Variants in RAB11FIP3 observed in about 807,000 individuals in gnomAD.
The protein encoded by RAB11FIP3 is RAB11 family interacting protein 3, also known as rab11 family-interacting protein 3.
In RAB11FIP3, 17 loss-of-function variants were observed where a neutral mutation model predicts 77.8. That is an observed-to-expected ratio of 0.22 (90% CI 0.15 to 0.33). The LOEUF (loss-of-function observed/expected upper bound fraction) is 0.33. Ranked by LOEUF, RAB11FIP3 falls within the 10% of genes least tolerant of loss-of-function variation. The pLI is 1.00. For missense variants in RAB11FIP3, 1,005 were observed against 1,011.2 expected (o/e 0.99, Z 0.08); for synonymous variants, 437 against 448.2 (o/e 0.98, Z 0.31).
At chr16:432,796 G>A (rs1306874206) in intron 1 of RAB11FIP3, among the ~76,000 whole-genome samples, 7 of 151,272 alleles carry the variant, frequency 4.6e-5, no homozygotes. Flanking sequence ...AATAGAGATG[G>A]GGTTTTGTCA....
intron 2 of RAB11FIP3, among the ~76,000 whole-genome samples, chr16:467,460 C>CTCAGGGAGGAGGTGCGGGGGCG (rs1567373704): frequency 2.3e-4 from 26 of 114,742 alleles, no homozygotes; most frequent in African/African-American, 9.1e-4. Flanking sequence ...GTGCAGGGGC[C>CTCAGGGAGGAGGTGCGGGGGCG]TCAGGGAGGA....
rs186267969 is a variant in RAB11FIP3 at position 450,343 on chromosome 16, T to G, written c.715-11061T>G. Among the ~76,000 whole-genome samples, 316 of 152,128 alleles carry G rather than the reference T, an allele frequency of 2.1e-3. 2 individuals are homozygous for G. The highest frequency in any genetic ancestry group is 7.2e-3 in the African/African-American group (297 of 41,518). Reference sequence around the variant, plus strand: ...CACCACCATGCCCAGCTCTGGCTAATTTTTTGTATTTTTGGTAGATATTTT... The same window carrying G: ...CACCACCATGCCCAGCTCTGGCTAAGTTTTTGTATTTTTGGTAGATATTTT... On this transcript the variant is annotated intron_variant, in intron 1 of 13. Coordinates refer to ENST00000262305, the MANE Select transcript of RAB11FIP3 (RefSeq NM_014700.4).
chr16:511,308 G>T (rs1429877449), intron 9 of RAB11FIP3, among the ~76,000 whole-genome samples: 1 of 117,598 alleles, frequency 8.5e-6, no homozygotes, highest in Non-Finnish European at 1.7e-5. Flanking sequence ...TTGACAGCCC[G>T]CCCACCCCAG....
Position 514,898 on chromosome 16 carries a change from A to C in RAB11FIP3, c.1641-4045A>C, listed in dbSNP as rs1337695511. Among the ~76,000 whole-genome samples the C allele has an allele frequency of 1.3e-5, 2 of 152,238 alleles. No individual in the cohort carries two copies. Among genetic ancestry groups the C allele is most frequent in the Non-Finnish European group, 2.9e-5 (2 of 68,036 alleles). ...ATCAGGCACAGAGTGAACTGGGTGAACGTGGCCCTGGTGTGTGGTGCTTTC... is the reference window on the plus strand; with the variant it reads ...ATCAGGCACAGAGTGAACTGGGTGACCGTGGCCCTGGTGTGTGGTGCTTTC... On this transcript the variant is annotated intron_variant, in intron 9 of 13. Transcript: ENST00000262305. The surrounding 1 kb of genome is among the most constrained non-coding windows in gnomAD (Gnocchi z 4.6).
chr16:471,771 T>C lies in RAB11FIP3; in HGVS notation c.903+382T>C, dbSNP rs566154420. On this transcript the variant is annotated intron_variant, in intron 3 of 13. Coordinates refer to ENST00000262305, the MANE Select transcript of RAB11FIP3 (RefSeq NM_014700.4). This position sits in a 1 kb window ranked among gnomAD's most constrained non-coding sequence, Gnocchi z 4.4. ...TGCCTGACTAATGCCTGCCCCTGCTTGGCTGTCCTCCACCCTGCTCCCAGA... is the reference window on the plus strand; with the variant it reads ...TGCCTGACTAATGCCTGCCCCTGCTCGGCTGTCCTCCACCCTGCTCCCAGA... Among the ~76,000 whole-genome samples the C allele has an allele frequency of 1.4e-4, 21 of 152,296 alleles. No homozygotes were observed. Among genetic ancestry groups the C allele is most frequent in the Non-Finnish European group, 2.4e-4 (16 of 68,024 alleles).
chr16:503,075 C>T lies in RAB11FIP3; in HGVS notation c.1373C>T (p.Pro458Leu). The T allele has an allele frequency of 1.2e-6, 2 of 1,612,640 alleles. No homozygotes were observed. The highest frequency in any genetic ancestry group is 1.1e-5 in the South Asian group (1 of 91,006). The change falls in exon 7 of 14, where the codon CCA (proline) becomes CTA (leucine). Residue 458 changes from proline to leucine, a missense_variant. Pro to Leu is a moderately conservative substitution (Grantham distance 98). Coordinates refer to ENST00000262305, the MANE Select transcript of RAB11FIP3 (RefSeq NM_014700.4). The stretch of plus-strand genomic sequence containing the variant: ...CCTTCCCCCGAGCTCATGGAGGGCC[C>T]AGAGGAGGACATTGCTGACAAGGTA... ...EDPSPELMEGPEEDIADKVVF... is the reference protein window; with the variant it reads ...EDPSPELMEGLEEDIADKVVF...
At position 486,363 on chromosome 16, in the gene RAB11FIP3, G is replaced by A. The variant is rs528400127; in HGVS notation, c.1116-2488G>A. On this transcript the variant is annotated intron_variant, in intron 4 of 13. Transcript: ENST00000262305. ...AAAAACTAGCTGGGCCTGGTGGCAC[G>A]CACCTGTAATCCCAGCTACTCGGGA... Among the ~76,000 whole-genome samples the A allele has an allele frequency of 4.6e-5, 7 of 152,190 alleles. 1 individual carries two copies. The highest frequency in any genetic ancestry group is 4.2e-4 in the South Asian group (2 of 4,812).
chr16:444,973 G>A (rs1310228637), intron 1 of RAB11FIP3, among the ~76,000 whole-genome samples: 1 of 151,760 alleles, frequency 6.6e-6, no homozygotes, highest in Non-Finnish European at 1.5e-5. Flanking sequence ...AATTAGCCAG[G>A]CATCATGGTG....
chr16:462,150 G>A (rs992527965), intron 2 of RAB11FIP3, among the ~76,000 whole-genome samples: 5 of 152,280 alleles, frequency 3.3e-5, no homozygotes, highest in South Asian at 2.1e-4. Flanking sequence ...CATACCCCTC[G>A]CCCTCAGGCA....
At chr16:496,073 A>G (rs1381039958) in intron 5 of RAB11FIP3, among the ~76,000 whole-genome samples, 2 of 152,044 alleles carry the variant, frequency 1.3e-5, no homozygotes, top group African/African-American at 4.8e-5. Context: ...TTTCTGCCTG[A>G]CCCTGGAAAG....
At chr16:434,837 G>A (rs1053407467) in intron 1 of RAB11FIP3, among the ~76,000 whole-genome samples, 2 of 152,062 alleles carry the variant, frequency 1.3e-5, no homozygotes. Flanking sequence ...GCCGAGGTGG[G>A]CAGATCACTT....
chr16:456,036 C>T (rs2055497151), intron 1 of RAB11FIP3, among the ~76,000 whole-genome samples: 1 of 152,130 alleles, frequency 6.6e-6, no homozygotes, highest in Non-Finnish European at 1.5e-5. Context: ...ATATTAGTAT[C>T]AAGAATTAAG....
In RAB11FIP3 at chr16:471,899, G is replaced by A. The variant is rs1289403162; in HGVS notation, c.903+510G>A. Reference sequence around the variant, plus strand: ...GGGGAGAGGGTCTTCGAGCACAGCCGTGGTCGACAGAGCGTAACCATGTCC... The same window carrying A: ...GGGGAGAGGGTCTTCGAGCACAGCCATGGTCGACAGAGCGTAACCATGTCC... On this transcript the variant is annotated intron_variant, in intron 3 of 13. Transcript: ENST00000262305. The surrounding 1 kb of genome is among the most constrained non-coding windows in gnomAD (Gnocchi z 4.4). Among the ~76,000 whole-genome samples the A allele has an allele frequency of 6.6e-6, 1 of 152,134 alleles. No homozygotes were observed. Among genetic ancestry groups the A allele is most frequent in the Non-Finnish European group, 1.5e-5 (1 of 68,020 alleles).
intron 1 of RAB11FIP3, among the ~76,000 whole-genome samples, chr16:449,404 A>G (rs553221627): frequency 4.6e-5 from 7 of 152,244 alleles, no homozygotes; most frequent in South Asian, 4.1e-4. Flanking sequence ...GAGAACCCTC[A>G]GGTTCAACCA....
chr16:482,360 T>G, intron 3 of RAB11FIP3, 165 bp from the exon 4 acceptor site: 3 of 740,110 alleles, frequency 4.1e-6, no homozygotes, highest in African/African-American at 1.7e-5. Flanking sequence ...CCAGCCTGAA[T>G]TGTGTTTTAT....
At chr16:491,683 G>A (rs2030205649) in intron 5 of RAB11FIP3, among the ~76,000 whole-genome samples, 1 of 152,254 alleles carries the variant, frequency 6.6e-6, no homozygotes. Flanking sequence ...TACTCACAGT[G>A]AGCGTGTGAG....
At position 514,594 on chromosome 16, in the gene RAB11FIP3, A is replaced by G. The variant is rs1057469984; in HGVS notation, c.1640+3794A>G. ...GGACATCCTTGTTTAGGGACCGGGA[A>G]AGGAGAATATGTGTCATCAGCAGAA... On this transcript the variant is annotated intron_variant, in intron 9 of 13. Coordinates refer to ENST00000262305, the MANE Select transcript of RAB11FIP3 (RefSeq NM_014700.4). This position sits in a 1 kb window ranked among gnomAD's most constrained non-coding sequence, Gnocchi z 4.6. Among the ~76,000 whole-genome samples, 2 of 152,144 alleles carry G rather than the reference A, an allele frequency of 1.3e-5. No individual in the cohort carries two copies. The highest frequency in any genetic ancestry group is 4.8e-5 in the African/African-American group (2 of 41,442).
intron 3 of RAB11FIP3, among the ~76,000 whole-genome samples, chr16:476,370 T>A (rs1164686429): frequency 6.6e-6 from 1 of 152,138 alleles, no homozygotes; most frequent in African/African-American, 2.4e-5. Context: ...GGCACTGGCT[T>A]TTGCCTGCAG....
intron 1 of RAB11FIP3, among the ~76,000 whole-genome samples, chr16:458,728 A>AGGGCCT: frequency 6.6e-6 from 1 of 151,708 alleles, no homozygotes; most frequent in Non-Finnish European, 1.5e-5. Flanking sequence ...GCATTTTCAC[A>AGGGCCT]GTCCAGCCCG....
Sources: gnomAD v4.1 joint callset for allele counts (sites outside exome capture counted in the v4.1 genomes callset) on GRCh38, gnomAD v4.1.1 for gene constraint, Gnocchi (gnomAD v3.1) non-coding constraint, MANE v1.5 for transcripts, NCBI Gene and HGNC (gene_info 2026-07-23, HGNC 2026-07-21) for gene names.